The following GRIP1 variants were observed in gnomAD, a reference collection of about 807,000 sequenced individuals.
GRIP1 encodes the protein glutamate receptor-interacting protein 1.
GRIP1 carries 45 observed loss-of-function variants against 129.9 expected under a neutral mutation model. The observed-to-expected ratio is 0.35, with a 90% CI of 0.27 to 0.44. The LOEUF (loss-of-function observed/expected upper bound fraction) is 0.44. Ranked by LOEUF, GRIP1 falls within the 20% of genes least tolerant of loss-of-function variation. The pLI, the probability that GRIP1 is intolerant of heterozygous loss-of-function variation, is 1.00. For missense variants in GRIP1, 1,196 were observed against 1,396.8 expected (o/e 0.86, Z 2.29); for synonymous variants, 530 against 520.8 (o/e 1.02, Z -0.24).
chr12:66,908,928 CA>C (rs971350179), intron 1 of GRIP1, among the ~76,000 whole-genome samples: 1 of 152,198 alleles, frequency 6.6e-6, no homozygotes, highest in African/African-American at 2.4e-5. Flanking sequence ...AAGACTGCCT[CA>C]GACATAGTAA....
chr12:66,507,073 G>A (rs1292044653), intron 7 of GRIP1, among the ~76,000 whole-genome samples: 1 of 152,142 alleles, frequency 6.6e-6, no homozygotes, highest in Admixed American at 6.5e-5. Context: ...GGAAGCTTGT[G>A]TGTCGTGTTA....
chr12:67,029,111 AT>A (rs1050212789), intron 1 of GRIP1, among the ~76,000 whole-genome samples: 31 of 152,274 alleles, frequency 2.0e-4, no homozygotes, highest in African/African-American at 6.7e-4. Flanking sequence ...TACAAAAAAA[AT>A]AAATTAAAAA....
intron 16 of GRIP1, among the ~76,000 whole-genome samples, chr12:66,399,344 T>C (rs2056901644): frequency 6.6e-6 from 1 of 151,876 alleles, no homozygotes; most frequent in African/African-American, 2.4e-5. Flanking sequence ...ATACTCAGAC[T>C]ATTTTGGAGA....
At chr12:66,415,317 A>G (rs903200931) in intron 15 of GRIP1, among the ~76,000 whole-genome samples, 1 of 152,138 alleles carries the variant, frequency 6.6e-6, no homozygotes, top group African/African-American at 2.4e-5. Flanking sequence ...AAACATGAGA[A>G]AAAGCTCGTC....
chr12:66,756,874 C>T (rs891569342), intron 1 of GRIP1, among the ~76,000 whole-genome samples: 3 of 152,190 alleles, frequency 2.0e-5, no homozygotes, highest in South Asian at 2.1e-4. Flanking sequence ...GAGACTGCCA[C>T]TAACCATGTG....
chr12:66,571,946 G>C (rs2062973628), intron 2 of GRIP1, among the ~76,000 whole-genome samples: 1 of 152,134 alleles, frequency 6.6e-6, no homozygotes, highest in Non-Finnish European at 1.5e-5. Flanking sequence ...TGTTTCAGAG[G>C]ATGAATGCAG....
chr12:66,466,974 A>G (rs2059304047), intron 7 of GRIP1, among the ~76,000 whole-genome samples: 1 of 152,214 alleles, frequency 6.6e-6, no homozygotes, highest in Non-Finnish European at 1.5e-5. Context: ...GGAGAGAGCC[A>G]TCTTCAGTTT....
chr12:66,812,686 A>AT (rs1488240788), intron 1 of GRIP1, among the ~76,000 whole-genome samples: 3 of 152,156 alleles, frequency 2.0e-5, no homozygotes, highest in African/African-American at 4.8e-5. Flanking sequence ...CTAAGGATTC[A>AT]TTTTTTTGCC....
chr12:66,648,578 G>A lies in GRIP1; in HGVS notation c.55+30272C>T, dbSNP rs189446479. 2.0e-5 allele frequency among the ~76,000 whole-genome samples: 3 copies of A among 152,330 alleles called. No individual in the cohort carries two copies. The East Asian group carries it at 5.8e-4, about 29-fold the overall frequency. ...TGTTCTGAAAGACGGAGTCTGCTGGGTTTATTGACAGCTGCTGAGAAGCAA... is the reference window on the plus strand; with the variant it reads ...TGTTCTGAAAGACGGAGTCTGCTGGATTTATTGACAGCTGCTGAGAAGCAA... On this transcript the variant is annotated intron_variant, in intron 1 of 24. Coordinates refer to ENST00000359742, the MANE Select transcript of GRIP1 (RefSeq NM_001366722.1).
At chr12:66,930,329 T>G (rs1321533972) in intron 1 of GRIP1, among the ~76,000 whole-genome samples, 1 of 144,806 alleles carries the variant, frequency 6.9e-6, no homozygotes, top group Non-Finnish European at 1.5e-5. Context: ...ATTGTTCAAT[T>G]CCCACCTATG....
intron 1 of GRIP1, among the ~76,000 whole-genome samples, chr12:66,943,359 G>C (rs1283742713): frequency 6.6e-6 from 1 of 152,280 alleles, no homozygotes; most frequent in South Asian, 2.1e-4. Flanking sequence ...GAGAGAGCAC[G>C]GTCAAGGAAG....
chr12:66,699,402 T>C (rs929731252), intron 1 of GRIP1, among the ~76,000 whole-genome samples: 3 of 152,176 alleles, frequency 2.0e-5, no homozygotes, highest in African/African-American at 7.2e-5. Context: ...GGGAGGGACC[T>C]AGTGGGAGAT....
At chr12:66,390,889 T>G (rs1346083486) in intron 19 of GRIP1, among the ~76,000 whole-genome samples, 1 of 152,232 alleles carries the variant, frequency 6.6e-6, no homozygotes, top group African/African-American at 2.4e-5. Context: ...GTATTATGAC[T>G]TGGAAAAATT....
At chr12:66,813,026 T>C (rs1230554184) in intron 1 of GRIP1, among the ~76,000 whole-genome samples, 1 of 150,274 alleles carries the variant, frequency 6.7e-6, no homozygotes, top group Non-Finnish European at 1.5e-5. Flanking sequence ...ATATTATAGA[T>C]GAGGAGGTGT....
At position 67,023,729 on chromosome 12, in the gene GRIP1, T is replaced by C. The variant is rs749322259; in HGVS notation, c.58+45321A>G. ...GAATCCAAAACTTCCACTCTCACCCTTTCCTCCCTCCCTGTCACCCTCACA... is the reference window on the plus strand; with the variant it reads ...GAATCCAAAACTTCCACTCTCACCCCTTCCTCCCTCCCTGTCACCCTCACA... On this transcript the variant is annotated intron_variant, in intron 1 of 1. Transcript: ENST00000643019. Among the ~76,000 whole-genome samples, 217 of 152,212 alleles carry C rather than the reference T, an allele frequency of 1.4e-3. 1 individual carries two copies. The highest frequency in any genetic ancestry group is 1.9e-3 in the Non-Finnish European group (128 of 68,004).
chr12:66,607,257 G>A (rs565448531), intron 1 of GRIP1, among the ~76,000 whole-genome samples: 100 of 152,254 alleles, frequency 6.6e-4, no homozygotes, highest in African/African-American at 2.3e-3. Flanking sequence ...TAAGATGCAA[G>A]ATTCTTTCCA....
chr12:66,865,884 C>G (rs866932409), intron 1 of GRIP1, among the ~76,000 whole-genome samples: 4 of 152,182 alleles, frequency 2.6e-5, no homozygotes, highest in Middle Eastern at 6.8e-3. Flanking sequence ...TCTCCTTTTC[C>G]TAAAGTTAAC....
chr12:66,705,067 C>T (rs554273985), intron 1 of GRIP1, among the ~76,000 whole-genome samples: 1 of 152,070 alleles, frequency 6.6e-6, no homozygotes, highest in Non-Finnish European at 1.5e-5. Context: ...CTACAAAGTA[C>T]TTGTTGAATG....
chr12:66,807,631 G>A (rs1455389959), upstream of GRIP1, among the ~76,000 whole-genome samples: 5 of 151,962 alleles, frequency 3.3e-5, no homozygotes, highest in South Asian at 6.3e-4. Flanking sequence ...TAGAGACCCC[G>A]CCACTGCACT....
Sources: gnomAD v4.1 joint callset for allele counts (sites outside exome capture counted in the v4.1 genomes callset) on GRCh38, gnomAD v4.1.1 for gene constraint, MANE v1.5 for transcripts, NCBI Gene and HGNC (gene_info 2026-07-23, HGNC 2026-07-21) for gene names.